PAH: variants seen among roughly 807,000 people sequenced by gnomAD.
PAH encodes the protein phenylalanine-4-hydroxylase.
Under a neutral mutation model 62.0 loss-of-function variants are expected in PAH, and 64 were observed. That is an observed-to-expected ratio of 1.03 (90% CI 0.84 to 1.27). The LOEUF (loss-of-function observed/expected upper bound fraction) is 1.27. PAH is among the 50% of genes most tolerant of loss of function. The pLI is 0.00. For missense variants in PAH, 579 were observed against 542.8 expected, an observed-to-expected ratio of 1.07 and a Z score of -0.66; for synonymous variants, 195 against 196.2, an observed-to-expected ratio of 0.99 and a Z score of 0.05.
chr12:102,847,848 T>G (rs1874925864), intron 8 of PAH, among the ~76,000 whole-genome samples: 1 of 152,148 alleles, frequency 6.6e-6, no homozygotes. Flanking sequence ...AGCACACTGT[T>G]GGCCAAGCAT....
At chr12:102,863,722 T>A (rs1875829848) in intron 5 of PAH, among the ~76,000 whole-genome samples, 1 of 152,076 alleles carries the variant, frequency 6.6e-6, no homozygotes, top group Admixed American at 6.5e-5. Context: ...AGGCAAATAA[T>A]GAGATGCTGA....
intron 1 of PAH, among the ~76,000 whole-genome samples, chr12:102,935,135 C>T (rs1311817257): frequency 6.6e-6 from 1 of 152,088 alleles, no homozygotes; most frequent in Non-Finnish European, 1.5e-5. Flanking sequence ...AATGCTTTTT[C>T]AGCATCAGTT....
At chr12:102,913,725 A>G in intron 1 of PAH, 11 of 683,132 alleles carry the variant, frequency 1.6e-5, no homozygotes, top group South Asian at 1.6e-4. Context: ...AATCCATGAA[A>G]GTACACAAAT....
upstream of PAH, among the ~76,000 whole-genome samples, chr12:102,954,521 A>G (rs1879856906): frequency 6.6e-6 from 1 of 152,196 alleles, no homozygotes; most frequent in Non-Finnish European, 1.5e-5. Flanking sequence ...AGATACTATA[A>G]TTACTGGCAT....
chr12:102,844,192 T>A (rs1374720745), intron 10 of PAH, 144 bp downstream of exon 10: 3 of 697,538 alleles, frequency 4.3e-6, no homozygotes, highest in Non-Finnish European at 5.2e-6. Context: ...TCATAGCTGC[T>A]AAGGTACCAA....
chr12:102,953,911 T>G (rs1459631758), upstream of PAH: 1 of 152,262 alleles, frequency 6.6e-6, no homozygotes, highest in Non-Finnish European at 1.5e-5. Flanking sequence ...CAACAACATC[T>G]GATTTAATTC....
chr12:102,844,633 C>T (rs1874750652), intron 9 of PAH, among the ~76,000 whole-genome samples: 1 of 152,148 alleles, frequency 6.6e-6, no homozygotes, highest in Non-Finnish European at 1.5e-5. Context: ...GGGCGGGAAC[C>T]ACCCAATGGG....
At chr12:102,855,063 T>C (rs1481924029) in intron 6 of PAH, 73 bp downstream of exon 6, 3 of 1,230,200 alleles carry the variant, frequency 2.4e-6, no homozygotes, top group Admixed American at 1.7e-5. Context: ...CATACTTGTC[T>C]TCCCCTTCCC....
chr12:102,920,909 A>T (rs1245416781), upstream of PAH, among the ~76,000 whole-genome samples: 1 of 110,322 alleles, frequency 9.1e-6, no homozygotes, highest in Non-Finnish European at 1.8e-5. Context: ...GCCACACTTG[A>T]CTTCTTTATT....
At chr12:102,842,261 G>A (rs1205410751) in intron 11 of PAH, among the ~76,000 whole-genome samples, 1 of 152,108 alleles carries the variant, frequency 6.6e-6, no homozygotes, top group Non-Finnish European at 1.5e-5. Flanking sequence ...CTTGGAGGGA[G>A]AGGGGGATGA....
upstream of PAH, among the ~76,000 whole-genome samples, chr12:102,955,432 G>T (rs929345936): frequency 2.0e-5 from 3 of 152,154 alleles, no homozygotes; most frequent in Admixed American, 6.5e-5. Context: ...GCTCAGACTC[G>T]GGACCTTTGT....
intron 1 of PAH, chr12:102,950,144 C>T (rs1301328013): frequency 1.3e-5 from 2 of 152,202 alleles, no homozygotes; most frequent in Admixed American, 6.5e-5. Flanking sequence ...TTAATCTTGT[C>T]TTTGTTGCTG....
chr12:102,845,157 T>A (rs907327152), intron 9 of PAH, among the ~76,000 whole-genome samples: 2 of 152,228 alleles, frequency 1.3e-5, no homozygotes, highest in African/African-American at 4.8e-5. Context: ...CAGCATGACC[T>A]GTGATCACGT....
At position 102,870,063 on chromosome 12, in the gene PAH, G is replaced by A. The variant is rs954118084; in HGVS notation, c.442-3400C>T. Among the ~76,000 whole-genome samples, 4 of 152,116 alleles carry A rather than the reference G, an allele frequency of 2.6e-5. No homozygotes were observed. In the South Asian group the frequency reaches 6.2e-4, roughly 24 times the overall value. ...AGGGGGAGGGGAGGGGATAGAAGACGGGAGAAAGTCGAGAGAGTTCTACAG... is the reference window on the plus strand; with the variant it reads ...AGGGGGAGGGGAGGGGATAGAAGACAGGAGAAAGTCGAGAGAGTTCTACAG... On this transcript the variant is annotated intron_variant, in intron 4 of 12. Coordinates refer to ENST00000553106, the MANE Select transcript of PAH (RefSeq NM_000277.3).
At chr12:102,935,564 C>T (rs1015310702) in intron 1 of PAH, among the ~76,000 whole-genome samples, 2 of 151,886 alleles carry the variant, frequency 1.3e-5, no homozygotes, top group East Asian at 1.9e-4. Context: ...TGGCTTAGGT[C>T]TTGTTACTTG....
chr12:102,895,548 A>G (rs1877462095), intron 2 of PAH, among the ~76,000 whole-genome samples: 1 of 152,060 alleles, frequency 6.6e-6, no homozygotes, highest in Admixed American at 6.6e-5. Context: ...TATAATTACC[A>G]CTAATATATT....
chr12:102,938,998 T>G (rs1879199751), intron 1 of PAH, among the ~76,000 whole-genome samples: 1 of 151,884 alleles, frequency 6.6e-6, no homozygotes, highest in Non-Finnish European at 1.5e-5. Context: ...TTTCTGCTCT[T>G]GGGTTGGGGA....
chr12:102,940,959 G>A (rs1879265866), intron 1 of PAH, among the ~76,000 whole-genome samples: 1 of 152,130 alleles, frequency 6.6e-6, no homozygotes, highest in Non-Finnish European at 1.5e-5. Context: ...ACCCTATCAG[G>A]ATAACAGCTG....
At chr12:102,925,868 C>T (rs1329324136) in intron 1 of PAH, among the ~76,000 whole-genome samples, 2 of 152,194 alleles carry the variant, frequency 1.3e-5, no homozygotes, top group Middle Eastern at 3.4e-3. Context: ...GTTAGTAAAT[C>T]AAGTGCATTT....
Sources: allele counts gnomAD v4.1 joint callset (sites outside exome capture counted in the v4.1 genomes callset), GRCh38; gene constraint gnomAD v4.1.1; transcripts MANE v1.5; gene names NCBI Gene and HGNC (gene_info 2026-07-23, HGNC 2026-07-21).